Variants in SCAMP1 observed in about 807,000 individuals in gnomAD.
SCAMP1 encodes the protein secretory carrier membrane protein 1, also known as secretory carrier-associated membrane protein 1.
In SCAMP1, 15 loss-of-function variants were observed where a neutral mutation model predicts 41.8. The ratio of observed to expected loss-of-function variants is 0.36; its 90% CI spans 0.24 to 0.55. SCAMP1 has a LOEUF of 0.55. Ranked by LOEUF, SCAMP1 falls within the 20% of genes least tolerant of loss-of-function variation. The pLI is 0.86. For missense variants in SCAMP1, 341 were observed against 412.6 expected (o/e 0.83, Z 1.50); for synonymous variants, 135 against 136.8 (o/e 0.99, Z 0.09).
chr5:78,453,860 C>G (rs1183705210), intron 7 of SCAMP1, among the ~76,000 whole-genome samples: 2 of 151,202 alleles, frequency 1.3e-5, no homozygotes, highest in Non-Finnish European at 3.0e-5. Flanking sequence ...CTTTTATTTC[C>G]TTGAGCAGTG....
chr5:78,405,731 G>C (rs543796443), intron 2 of SCAMP1, among the ~76,000 whole-genome samples: 1 of 152,258 alleles, frequency 6.6e-6, no homozygotes, highest in South Asian at 2.1e-4. Flanking sequence ...GCCCATTGTA[G>C]TTGACCAATG....
intron 2 of SCAMP1, among the ~76,000 whole-genome samples, chr5:78,411,378 TG>T (rs1752071151): frequency 5.9e-5 from 9 of 152,198 alleles, no homozygotes; most frequent in Admixed American, 5.9e-4. Context: ...AACAAGCATT[TG>T]GAAAAGAGAA....
intron 6 of SCAMP1, among the ~76,000 whole-genome samples, chr5:78,447,739 C>T (rs1037481399): frequency 3.3e-5 from 5 of 151,990 alleles, no homozygotes; most frequent in South Asian, 2.1e-4. Context: ...AAAGAACAAG[C>T]GTGAATACAC....
chr5:78,410,439 T>C (rs1220428817), intron 2 of SCAMP1, among the ~76,000 whole-genome samples: 1 of 152,176 alleles, frequency 6.6e-6, no homozygotes, highest in African/African-American at 2.4e-5. Context: ...GGAGGCTGGC[T>C]TCCAGCTTCA....
chr5:78,417,688 G>A (rs1475089091), intron 4 of SCAMP1, among the ~76,000 whole-genome samples: 1 of 152,194 alleles, frequency 6.6e-6, no homozygotes, highest in Non-Finnish European at 1.5e-5. Flanking sequence ...TCGGAGGAGA[G>A]AGTAAGTTGC....
At chr5:78,373,778 A>G (rs979918219) in intron 1 of SCAMP1, among the ~76,000 whole-genome samples, 19 of 152,146 alleles carry the variant, frequency 1.2e-4, no homozygotes, top group African/African-American at 4.6e-4. Context: ...AACATTTGGT[A>G]TCTAATTCTT....
intron 7 of SCAMP1, among the ~76,000 whole-genome samples, chr5:78,454,307 T>C (rs1580708755): frequency 2.0e-5 from 3 of 152,218 alleles, no homozygotes; most frequent in South Asian, 4.1e-4. Context: ...CAGTATGATA[T>C]TGGCTGTGGG....
intron 8 of SCAMP1, among the ~76,000 whole-genome samples, chr5:78,469,893 A>AAAAAAAAAAC (rs1753832959): frequency 3.0e-5 from 1 of 33,328 alleles, no homozygotes; most frequent in African/African-American, 2.7e-4. Flanking sequence ...AAGACATTAA[A>AAAAAAAAAAC]AAAAAAAAAA....
intron 2 of SCAMP1, among the ~76,000 whole-genome samples, chr5:78,412,925 C>G (rs1752116754): frequency 6.6e-6 from 1 of 152,132 alleles, no homozygotes; most frequent in Admixed American, 6.5e-5. Flanking sequence ...TTGACAGATA[C>G]TTACTGAGCA....
intron 7 of SCAMP1, among the ~76,000 whole-genome samples, chr5:78,457,233 T>C (rs1432654401): frequency 6.6e-6 from 1 of 152,254 alleles, no homozygotes; most frequent in Non-Finnish European, 1.5e-5. Context: ...GGTGAGGAAC[T>C]GCGTTCCTTT....
chr5:78,385,155 T>G (rs187990681), intron 1 of SCAMP1, among the ~76,000 whole-genome samples: 27 of 152,280 alleles, frequency 1.8e-4, no homozygotes, highest in African/African-American at 5.8e-4. Flanking sequence ...AGAGTTTGTA[T>G]TTCTTCCTGG....
In SCAMP1 at chr5:78,415,598, G is replaced by T. The variant is rs757864357; in HGVS notation, c.214G>T (p.Ala72Ser). Residue 72 changes from alanine to serine, a missense_variant, in exon 3 of 9, where the codon GCT becomes TCT. Coordinates refer to ENST00000621999, the MANE Select transcript of SCAMP1 (RefSeq NM_004866.6). ...AIMKPTEEHP[A>S]YTQIAKEHAL... The stretch of plus-strand genomic sequence containing the variant: ...AATGAAACCAACAGAGGAACATCCA[G>T]CTTATACACAGATTGCAAAGGTTAG... 6.9e-6 allele frequency: 11 copies of T among 1,600,592 alleles called. No individual in the cohort carries two copies. Among genetic ancestry groups the T allele is most frequent in the Non-Finnish European group, 9.4e-6 (11 of 1,172,344 alleles).
intron 8 of SCAMP1, among the ~76,000 whole-genome samples, chr5:78,464,583 A>C (rs553214986): frequency 6.6e-6 from 1 of 152,230 alleles, no homozygotes; most frequent in East Asian, 1.9e-4. Context: ...CCTTAAAAAA[A>C]CCCCAACAAA....
chr5:78,423,784 T>C (rs934325620), intron 6 of SCAMP1, among the ~76,000 whole-genome samples: 1 of 152,176 alleles, frequency 6.6e-6, no homozygotes, highest in African/African-American at 2.4e-5. Context: ...CTCAGTCTTT[T>C]AGAGTATATA....
chr5:78,388,244 T>C (rs1751393896), intron 1 of SCAMP1, among the ~76,000 whole-genome samples: 2 of 152,196 alleles, frequency 1.3e-5, no homozygotes, highest in Non-Finnish European at 2.9e-5. Flanking sequence ...GTTATTTTCA[T>C]GAAAGCCTAC....
chr5:78,411,803 A>G (rs1001535914), intron 2 of SCAMP1, among the ~76,000 whole-genome samples: 2 of 152,168 alleles, frequency 1.3e-5, no homozygotes, highest in African/African-American at 4.8e-5. Context: ...TTCATAGTAC[A>G]TAGGGTATAA....
At chr5:78,377,189 A>C (rs1751086564) in intron 1 of SCAMP1, among the ~76,000 whole-genome samples, 2 of 152,256 alleles carry the variant, frequency 1.3e-5, no homozygotes, top group South Asian at 4.1e-4. Flanking sequence ...TCACCAGTTA[A>C]AATAACAGTA....
At chr5:78,451,264 T>C (rs1753218580) in intron 7 of SCAMP1, among the ~76,000 whole-genome samples, 1 of 152,192 alleles carries the variant, frequency 6.6e-6, no homozygotes, top group Non-Finnish European at 1.5e-5. Context: ...TTTTTACTTT[T>C]AGGTAATCAT....
intron 7 of SCAMP1, among the ~76,000 whole-genome samples, chr5:78,458,726 A>T (rs1356515083): frequency 2.6e-5 from 4 of 152,156 alleles, no homozygotes; most frequent in Non-Finnish European, 5.9e-5. Context: ...CTAAAGATAC[A>T]AAAAGTAGCC....
Sources: gnomAD v4.1 joint callset for allele counts (sites outside exome capture counted in the v4.1 genomes callset) on GRCh38, gnomAD v4.1.1 for gene constraint, MANE v1.5 for transcripts, NCBI Gene and HGNC (gene_info 2026-07-23, HGNC 2026-07-21) for gene names.